Variants in AFF3 observed in about 807,000 individuals in gnomAD.
AFF3 encodes the protein ALF transcription elongation factor 3.
AFF3 carries 32 observed loss-of-function variants against 129.7 expected under a neutral mutation model. The observed-to-expected ratio is 0.25, with a 90% CI of 0.19 to 0.33. The LOEUF (loss-of-function observed/expected upper bound fraction) is 0.33, where lower values mean the gene tolerates loss of function less well. AFF3 is among the 10% of genes least tolerant of loss of function. The pLI is 1.00. For missense variants in AFF3, 1,373 were observed against 1,592.0 expected (o/e 0.86, Z 2.34); for synonymous variants, 644 against 635.4 (o/e 1.01, Z -0.20).
intron 12 of AFF3, among the ~76,000 whole-genome samples, chr2:99,658,759 T>C (rs1050667532): frequency 1.3e-5 from 2 of 152,174 alleles, no homozygotes; most frequent in Non-Finnish European, 2.9e-5. Context: ...CCATTCTGTC[T>C]TGGCCTCACC....
At chr2:100,007,537 C>T in intron 5 of AFF3, 77 bp from the exon 6 acceptor site, 1 of 1,348,174 alleles carries the variant, frequency 7.4e-7, no homozygotes. Context: ...GTGCCCTTAT[C>T]AATCACAGAG....
At chr2:100,057,277 C>T (rs749092375) in intron 4 of AFF3, among the ~76,000 whole-genome samples, 138 of 147,676 alleles carry the variant, frequency 9.3e-4, no homozygotes, top group Non-Finnish European at 1.7e-3. Flanking sequence ...GCTGAGATCA[C>T]GCCACTGCAC....
At chr2:100,128,902 A>G (rs1240863664) in intron 2 of AFF3, among the ~76,000 whole-genome samples, 1 of 152,118 alleles carries the variant, frequency 6.6e-6, no homozygotes, top group African/African-American at 2.4e-5. Flanking sequence ...TTTAATTTGT[A>G]TATCCTTCCT....
At chr2:99,556,873 G>A (rs1440579402) in intron 22 of AFF3, among the ~76,000 whole-genome samples, 1 of 151,384 alleles carries the variant, frequency 6.6e-6, no homozygotes, top group African/African-American at 2.4e-5. Flanking sequence ...AGTGAGCTCC[G>A]ACTGTACCAC....
At chr2:99,631,657 T>C (rs1350665999) in intron 13 of AFF3, among the ~76,000 whole-genome samples, 1 of 152,246 alleles carries the variant, frequency 6.6e-6, no homozygotes, top group East Asian at 1.9e-4. Flanking sequence ...TCAAGATTCA[T>C]CCGTGTTGCA....
At chr2:100,016,991 A>G (rs967078483) in intron 4 of AFF3, among the ~76,000 whole-genome samples, 4 of 148,374 alleles carry the variant, frequency 2.7e-5, no homozygotes, top group Non-Finnish European at 6.0e-5. Flanking sequence ...AATGGTAATG[A>G]TGGTGGTGGT....
At chr2:99,575,918 A>C (rs1269879210) in intron 18 of AFF3, among the ~76,000 whole-genome samples, 1 of 152,192 alleles carries the variant, frequency 6.6e-6, no homozygotes, top group Non-Finnish European at 1.5e-5. Context: ...TCTTATAAAA[A>C]GTCCAAGGGC....
chr2:99,734,314 C>A (rs755851287), intron 10 of AFF3, among the ~76,000 whole-genome samples: 2 of 152,092 alleles, frequency 1.3e-5, no homozygotes, highest in Non-Finnish European at 2.9e-5. Flanking sequence ...GAGTTTTCTG[C>A]ATAAACAATA....
intron 13 of AFF3, among the ~76,000 whole-genome samples, chr2:99,603,527 C>T (rs753593145): frequency 1.4e-4 from 21 of 152,134 alleles, no homozygotes; most frequent in Non-Finnish European, 2.1e-4. Context: ...CTATAAAACC[C>T]TTGGAAGACA....
At chr2:99,912,926 C>T (rs1695205029) in intron 7 of AFF3, among the ~76,000 whole-genome samples, 1 of 152,154 alleles carries the variant, frequency 6.6e-6, no homozygotes, top group Non-Finnish European at 1.5e-5. Context: ...CAGAGACACA[C>T]ACTAAGTAGG....
intron 4 of AFF3, among the ~76,000 whole-genome samples, chr2:100,012,786 T>C (rs1260097914): frequency 6.6e-6 from 1 of 152,212 alleles, no homozygotes; most frequent in Non-Finnish European, 1.5e-5. Context: ...CTAAGAGAAT[T>C]CCAATTCCCG....
At chr2:99,985,142 G>T (rs577262088) in intron 7 of AFF3, among the ~76,000 whole-genome samples, 1 of 152,266 alleles carries the variant, frequency 6.6e-6, no homozygotes, top group Admixed American at 6.5e-5. Flanking sequence ...TTGTGTACTG[G>T]ATAACCAAAC....
rs187927694 is a variant in AFF3 at position 99,760,686 on chromosome 2, C to T, written c.922-8385G>A. ...GCCTCTATTGACCTACTTTGGCCAT[C>T]CTTTAACCACTTCCCAGACCATATG... On this transcript the variant is annotated intron_variant, in intron 8 of 24. Transcript: ENST00000672756. Among the ~76,000 whole-genome samples, 4 of 152,248 alleles carry T rather than the reference C, an allele frequency of 2.6e-5. No individual in the cohort carries two copies. The East Asian group carries it at 7.7e-4, about 29-fold the overall frequency.
chr2:99,959,230 T>C (rs189992666), intron 7 of AFF3, among the ~76,000 whole-genome samples: 40 of 151,766 alleles, frequency 2.6e-4, no homozygotes, highest in Non-Finnish European at 4.9e-4. Context: ...CTAAGTAGTT[T>C]GAATCCTAAT....
intron 18 of AFF3, among the ~76,000 whole-genome samples, chr2:99,575,498 T>C (rs1405457431): frequency 6.7e-6 from 1 of 149,716 alleles, no homozygotes; most frequent in African/African-American, 2.5e-5. Context: ...TGACCTCAAG[T>C]GATCCACCCA....
chr2:100,017,101 G>A (rs921528370), intron 4 of AFF3, among the ~76,000 whole-genome samples: 1 of 152,010 alleles, frequency 6.6e-6, no homozygotes, highest in African/African-American at 2.4e-5. Context: ...TAGTGAAGGT[G>A]CTAGTGGTTA....
intron 13 of AFF3, among the ~76,000 whole-genome samples, chr2:99,613,322 TC>T (rs1361894812): frequency 2.6e-5 from 4 of 152,180 alleles, no homozygotes; most frequent in Non-Finnish European, 5.9e-5. Context: ...AGTTATCTGT[TC>T]CTTGAAAGTT....
chr2:99,904,755 A>G (rs1694589709), intron 7 of AFF3, among the ~76,000 whole-genome samples: 1 of 152,100 alleles, frequency 6.6e-6, no homozygotes, highest in Non-Finnish European at 1.5e-5. Context: ...GGAGAGGGGA[A>G]GATAATCCCG....
intron 4 of AFF3, among the ~76,000 whole-genome samples, chr2:100,055,351 C>T (rs76542978): frequency 0.012 from 1,886 of 151,958 alleles, 43 homozygotes; most frequent in African/African-American, 0.043. Flanking sequence ...CATTAACCCT[C>T]ATAGGAAACA....
Sources: allele counts gnomAD v4.1 joint callset (sites outside exome capture counted in the v4.1 genomes callset), GRCh38; gene constraint gnomAD v4.1.1; transcripts MANE v1.5; gene names NCBI Gene and HGNC (gene_info 2026-07-23, HGNC 2026-07-21).